SLC12A8: variants seen among roughly 807,000 people sequenced by gnomAD.
SLC12A8 encodes the protein solute carrier family 12 member 8.
A neutral mutation model predicts 75.6 loss-of-function variants in SLC12A8; 69 were observed. That is an observed-to-expected ratio of 0.91 (90% confidence interval 0.75 to 1.11). The LOEUF (loss-of-function observed/expected upper bound fraction) is 1.11, where lower values mean the gene tolerates loss of function less well. Among genes scored for constraint, SLC12A8 ranks in the 50% most tolerant of loss-of-function variants. SLC12A8 has a pLI of 0.00. For synonymous variants in SLC12A8, 365 were observed against 372.8 expected (o/e 0.98, Z 0.24); for missense variants, 877 against 896.7 (o/e 0.98, Z 0.28).
rs1271925863 is a variant in SLC12A8, at chr3:125,083,513, G to T, written c.*377C>A. 14 of 162,288 alleles carry T rather than the reference G, an allele frequency of 8.6e-5. No individual in the cohort carries two copies. The highest frequency in any genetic ancestry group is 1.8e-4 in the Non-Finnish European group (13 of 74,070). 10.1% of individuals were successfully genotyped at this position (162,288 alleles called of 1,614,324 possible). Reference sequence around the variant, plus strand: ...CTGAGACGGGTGGATCACGAGGTCAGGAGTTCGAGACCAGCCTGGCCAACA... The same window carrying T: ...CTGAGACGGGTGGATCACGAGGTCATGAGTTCGAGACCAGCCTGGCCAACA... On this transcript the variant is annotated 3_prime_UTR_variant, in exon 14 of 14. Coordinates refer to ENST00000469902, the MANE Select transcript of SLC12A8 (RefSeq NM_024628.6).
intron 2 of SLC12A8, among the ~76,000 whole-genome samples, chr3:125,198,525 C>T (rs1199338048): frequency 5.3e-5 from 8 of 151,866 alleles, no homozygotes; most frequent in Admixed American, 1.3e-4. Context: ...CCCAGCTACT[C>T]GGGAGGCTGA....
At chr3:125,198,005 A>G (rs1935037811) in intron 2 of SLC12A8, among the ~76,000 whole-genome samples, 1 of 152,214 alleles carries the variant, frequency 6.6e-6, no homozygotes, top group Non-Finnish European at 1.5e-5. Flanking sequence ...ACACCACCTT[A>G]AATAAATAGC....
At chr3:125,168,191 T>C (rs766359839) in intron 5 of SLC12A8, among the ~76,000 whole-genome samples, 2 of 152,184 alleles carry the variant, frequency 1.3e-5, no homozygotes, top group African/African-American at 4.8e-5. Flanking sequence ...TTGTAAAGGA[T>C]AAAAGAGCTT....
chr3:125,107,752 C>T lies in SLC12A8; in HGVS notation c.1434G>A (p.Arg478=). ...CTGGGGTCCTGTTACCCTCTCCTTG[C>T]CTGGGCTGGCTACTCTCAAGCTTCC... ...LTRKLESSQP[R]QGEGNRTPES... The change falls in exon 10 of 14, where the codon AGG becomes AGA. Residue 478 remains arginine (R), a synonymous_variant. Transcript: ENST00000469902. 1 of 1,614,148 alleles carries T rather than the reference C, an allele frequency of 6.2e-7. No homozygotes were observed.
intron 2 of SLC12A8, among the ~76,000 whole-genome samples, chr3:125,193,520 C>T (rs1383652890): frequency 1.3e-5 from 2 of 152,246 alleles, no homozygotes; most frequent in Non-Finnish European, 2.9e-5. Flanking sequence ...AAGCAGCTCC[C>T]TTGCGTCGTG....
intron 9 of SLC12A8, 75 bp from the exon 10 acceptor site, chr3:125,108,201 C>T: frequency 6.9e-7 from 1 of 1,441,868 alleles, no homozygotes; most frequent in Non-Finnish European, 9.4e-7. Flanking sequence ...AAGTTACAGG[C>T]TAGAAACACA....
chr3:125,145,896 C>T (rs559370977), intron 5 of SLC12A8, among the ~76,000 whole-genome samples: 8 of 152,324 alleles, frequency 5.3e-5, no homozygotes, highest in East Asian at 3.9e-4. Context: ...GGCACGATCA[C>T]GGCTCACTGC....
intron 10 of SLC12A8, among the ~76,000 whole-genome samples, chr3:125,095,215 A>G (rs1938684846): frequency 6.6e-6 from 1 of 152,208 alleles, no homozygotes; most frequent in African/African-American, 2.4e-5. Context: ...TCTTCTCAGT[A>G]TCACCCATTA....
At chr3:125,202,180 G>A (rs750241119) in intron 2 of SLC12A8, among the ~76,000 whole-genome samples, 17 of 152,360 alleles carry the variant, frequency 1.1e-4, no homozygotes, top group Non-Finnish European at 2.4e-4. Context: ...AAAGTGCTGG[G>A]ATTACTGGCA....
At position 125,107,614 on chromosome 3, in the gene SLC12A8, G is replaced by T. The variant is rs188430957; in HGVS notation, c.1572C>A (p.Pro524=). The stretch of plus-strand genomic sequence containing the variant: ...ACTCCTGCCCCTCCCAGGAGGCAGC[G>T]GGCAACCTGTCAGAGATCTCGACAG... ...SFPVEISDRL[P]AASWEGQESC... Residue 524 remains proline (P), a synonymous_variant, in exon 10 of 14, where the codon CCC becomes CCA. Transcript: ENST00000469902. 8.1e-6 allele frequency: 13 copies of T among 1,614,172 alleles called. No individual in the cohort carries two copies. The African/African-American group carries it at 1.7e-4, about 22-fold the overall frequency.
chr3:125,150,152 C>A (rs1385956732), intron 5 of SLC12A8, among the ~76,000 whole-genome samples: 1 of 152,118 alleles, frequency 6.6e-6, no homozygotes, highest in African/African-American at 2.4e-5. Context: ...GATTGGGAGA[C>A]CCATAATGGC....
intron 6 of SLC12A8, among the ~76,000 whole-genome samples, chr3:125,129,564 A>G (rs1266848735): frequency 1.3e-5 from 2 of 152,180 alleles, no homozygotes; most frequent in Non-Finnish European, 2.9e-5. Flanking sequence ...CCCTTGGGAT[A>G]AAATATCTGA....
chr3:125,113,426 GCCTAAAT>G (rs1048535740), intron 8 of SLC12A8, among the ~76,000 whole-genome samples: 12 of 152,064 alleles, frequency 7.9e-5, no homozygotes, highest in Admixed American at 7.2e-4. Flanking sequence ...TCTCTCTCCT[GCCTAAAT>G]CCTATCTCTT....
At chr3:125,211,564 A>G (rs686088) in intron 1 of SLC12A8, among the ~76,000 whole-genome samples, 170 bp from the exon 2 acceptor site, 99,096 of 152,156 alleles carry the variant, frequency 0.65, 34,384 homozygotes, top group African/African-American at 0.9. Flanking sequence ...TTTGGTACCC[A>G]GGTAGATCCC....
intron 5 of SLC12A8, among the ~76,000 whole-genome samples, chr3:125,157,103 T>C (rs1327372643): frequency 6.6e-6 from 1 of 151,918 alleles, no homozygotes; most frequent in Non-Finnish European, 1.5e-5. Context: ...TATTATATAC[T>C]ATGTGAGCTC....
intron 5 of SLC12A8, among the ~76,000 whole-genome samples, chr3:125,139,818 C>T (rs1363144941): frequency 6.6e-6 from 1 of 152,204 alleles, no homozygotes; most frequent in African/African-American, 2.4e-5. Context: ...ATGCCCAGAA[C>T]AAAGGTTCCT....
intron 6 of SLC12A8, among the ~76,000 whole-genome samples, chr3:125,129,147 T>C (rs571870751): frequency 6.6e-6 from 1 of 152,334 alleles, no homozygotes; most frequent in East Asian, 1.9e-4. Context: ...GAGGCCCTTA[T>C]CCCTTCCAGT....
intron 2 of SLC12A8, among the ~76,000 whole-genome samples, chr3:125,203,992 A>G (rs891985159): frequency 6.6e-6 from 1 of 152,238 alleles, no homozygotes; most frequent in African/African-American, 2.4e-5. Flanking sequence ...AATGCTCAAC[A>G]GCACTAATTA....
Position 125,091,521 on chromosome 3 carries a change from C to T in SLC12A8, c.1839G>A (p.Gln613=). The T allele has an allele frequency of 6.2e-7, 1 of 1,613,998 alleles. No homozygotes were observed. Among genetic ancestry groups the T allele is most frequent in the East Asian group, 2.2e-5 (1 of 44,888 alleles). ...CCATGTTAACCAGGGTATACACCCA[C>T]TGTATCACAAACATGATGAGAAGGG... ...VGSLLIMFVI[Q]WVYTLVNMGV... Residue 613 remains glutamine (Q), a synonymous_variant, in exon 12 of 14, where the codon CAG becomes CAA. Transcript: ENST00000469902.
Sources: gnomAD v4.1 joint callset for allele counts (sites outside exome capture counted in the v4.1 genomes callset) on GRCh38, gnomAD v4.1.1 for gene constraint, MANE v1.5 for transcripts, NCBI Gene and HGNC (gene_info 2026-07-23, HGNC 2026-07-21) for gene names.